The following RAB23 variants were observed in gnomAD, a reference collection of about 807,000 sequenced individuals.
The protein encoded by RAB23 is RAB23, member RAS oncogene family, also known as ras-related protein Rab-23.
In RAB23, 15 loss-of-function variants were observed where a neutral mutation model predicts 30.0. The ratio of observed to expected loss-of-function variants is 0.50; its 90% CI spans 0.33 to 0.77. The LOEUF (loss-of-function observed/expected upper bound fraction) is 0.77. Ranked by LOEUF, RAB23 falls within the 30% of genes least tolerant of loss-of-function variation. The pLI is 0.02. For synonymous variants in RAB23, 93 were observed against 94.0 expected, an observed-to-expected ratio of 0.99 and a Z score of 0.06; for missense variants, 243 against 275.4, an observed-to-expected ratio of 0.88 and a Z score of 0.83.
intron 2 of RAB23, among the ~76,000 whole-genome samples, chr6:57,207,945 C>A (rs1274466692): frequency 6.6e-6 from 1 of 152,088 alleles, no homozygotes; most frequent in African/African-American, 2.4e-5. Flanking sequence ...ACTGTAAATT[C>A]AAAAAACTCA....
At chr6:57,206,846 A>T (rs190389843) in intron 3 of RAB23, among the ~76,000 whole-genome samples, 38 of 152,356 alleles carry the variant, frequency 2.5e-4, no homozygotes, top group African/African-American at 8.2e-4. Flanking sequence ...TAATCAGTAT[A>T]TCAGTTGTGC....
intron 3 of RAB23, among the ~76,000 whole-genome samples, chr6:57,205,444 G>A (rs1329414131): frequency 2.0e-5 from 3 of 152,098 alleles, no homozygotes; most frequent in African/African-American, 7.2e-5. Flanking sequence ...CAATGGGGCT[G>A]GGGAGACAAA....
In RAB23 at chr6:57,189,917, C is replaced by T. The variant is rs138311113; in HGVS notation, c.*544G>A. The T allele has an allele frequency of 1.8e-3, 303 of 164,220 alleles. 1 individual carries two copies. Among genetic ancestry groups the T allele is most frequent in the African/African-American group, 6.5e-3 (272 of 41,618 alleles). The allele number at this position is 164,220 out of a possible 1,614,324, so 10.2% of individuals were successfully genotyped here. A position where few individuals can be genotyped will look rare whatever the true frequency, so the allele number is the denominator to read the frequency against. On this transcript the variant is annotated 3_prime_UTR_variant, in exon 7 of 7. Transcript: ENST00000468148. ...ACCTTCAGCTTACTCCAGTACCAGA[C>T]ATCTGCATGCACACCCCACATTCTA...
chr6:57,210,102 G>A (rs978570006), intron 2 of RAB23, 124 bp downstream of exon 2: 18 of 967,924 alleles, frequency 1.9e-5, no homozygotes, highest in Non-Finnish European at 2.4e-5. Flanking sequence ...CATCACTGTC[G>A]CATGAGCATT....
chr6:57,191,442 C>T (rs1022287647), intron 6 of RAB23, among the ~76,000 whole-genome samples: 2 of 152,060 alleles, frequency 1.3e-5, no homozygotes, highest in African/African-American at 4.8e-5. Flanking sequence ...TCAGCAAATA[C>T]GATAATTTTT....
rs1269720212 is a variant in RAB23, at chr6:57,189,831, A to G, written c.*630T>C. On this transcript the variant is annotated 3_prime_UTR_variant, in exon 7 of 7. Coordinates refer to ENST00000468148, the MANE Select transcript of RAB23 (RefSeq NM_016277.5). ...ATTTGAAAATAAAAACATATACACA[A>G]TATGTAAATGGTTTTATAAGTGAAT... The G allele has an allele frequency of 6.5e-6, 1 of 153,484 alleles. No individual in the cohort carries two copies. The highest frequency in any genetic ancestry group is 1.5e-5 in the Non-Finnish European group (1 of 68,648). 9.5% of individuals were successfully genotyped at this position (153,484 alleles called of 1,614,324 possible). A position where few individuals can be genotyped will look rare whatever the true frequency, so the allele number is the denominator to read the frequency against.
chr6:57,210,723 T>C (rs1054094366), intron 1 of RAB23, among the ~76,000 whole-genome samples: 2 of 152,244 alleles, frequency 1.3e-5, no homozygotes, highest in African/African-American at 4.8e-5. Flanking sequence ...TTAGATTTGA[T>C]GCCTGATTAT....
chr6:57,192,270 T>C (rs1764869045), intron 6 of RAB23, among the ~76,000 whole-genome samples: 1 of 152,208 alleles, frequency 6.6e-6, no homozygotes, highest in Non-Finnish European at 1.5e-5. Flanking sequence ...AGTTTCCATT[T>C]TGAACTGTGC....
chr6:57,190,633 C>G (rs779696667), intron 6 of RAB23, 33 bp from the exon 7 acceptor site: 2 of 1,611,066 alleles, frequency 1.2e-6, no homozygotes, highest in East Asian at 2.2e-5. Flanking sequence ...GTGATTGCCA[C>G]TGACACGCCT....
At chr6:57,206,108 C>G (rs563411937) in intron 3 of RAB23, among the ~76,000 whole-genome samples, 1 of 152,274 alleles carries the variant, frequency 6.6e-6, no homozygotes, top group South Asian at 2.1e-4. Flanking sequence ...TGCTCGGATG[C>G]AGATTGGTAG....
intron 1 of RAB23, among the ~76,000 whole-genome samples, chr6:57,217,615 C>T (rs746009054): frequency 4.0e-5 from 6 of 151,800 alleles, no homozygotes; most frequent in Admixed American, 1.3e-4. Flanking sequence ...GCCTAAGATA[C>T]GAAAATTTAG....
chr6:57,222,090 G>T lies in RAB23; in HGVS notation c.-430C>A, dbSNP rs1405267936. ...TCCTCCTGGTCGCGGCGCAACCGCT[G>T]CCGCCGCTGTCTCCTCCCGACGCGC... On this transcript the variant is annotated 5_prime_UTR_variant, in exon 1 of 7. Coordinates refer to ENST00000468148, the MANE Select transcript of RAB23 (RefSeq NM_016277.5). 6.6e-6 allele frequency: 1 copy of T among 152,436 alleles called. No individual in the cohort carries two copies. The highest frequency in any genetic ancestry group is 6.5e-5 in the Admixed American group (1 of 15,286). The allele number at this position is 152,436 out of a possible 1,614,324, so 9.4% of individuals were successfully genotyped here. A position where few individuals can be genotyped will look rare whatever the true frequency, so the allele number is the denominator to read the frequency against.
chr6:57,215,613 G>A (rs1765808352), intron 1 of RAB23, among the ~76,000 whole-genome samples: 2 of 152,152 alleles, frequency 1.3e-5, no homozygotes, highest in African/African-American at 4.8e-5. Flanking sequence ...AAGAGCATTT[G>A]TTGACAGCAG....
At chr6:57,210,143 GCAAT>G in intron 2 of RAB23, 79 bp downstream of exon 2, 1 of 1,460,718 alleles carries the variant, frequency 6.8e-7, no homozygotes. Context: ...GAAATCCACT[GCAAT>G]CAGTTAACTA....
At chr6:57,214,956 TAA>T in intron 1 of RAB23, among the ~76,000 whole-genome samples, 1 of 151,916 alleles carries the variant, frequency 6.6e-6, no homozygotes, top group Non-Finnish European at 1.5e-5. Context: ...ATGTAAAAAA[TAA>T]AGAGTCTCAA....
chr6:57,208,648 A>T (rs1461716244), intron 2 of RAB23, among the ~76,000 whole-genome samples: 1 of 151,468 alleles, frequency 6.6e-6, no homozygotes, highest in Non-Finnish European at 1.5e-5. Context: ...AAAAAAAAAA[A>T]AGCGATTTAC....
intron 1 of RAB23, among the ~76,000 whole-genome samples, chr6:57,213,864 G>T (rs1554312656): frequency 6.6e-6 from 1 of 151,934 alleles, no homozygotes; most frequent in Non-Finnish European, 1.5e-5. Context: ...CAGGAAAGGG[G>T]CAGCCTAGCA....
intron 3 of RAB23, among the ~76,000 whole-genome samples, chr6:57,199,363 G>A (rs568311617): frequency 5.9e-5 from 9 of 152,290 alleles, no homozygotes; most frequent in East Asian, 5.8e-4. Context: ...TACTTAGAAC[G>A]CTTTACTGGT....
rs1764714567 is a variant in RAB23 at position 57,188,764 on chromosome 6, A to C, written c.*1697T>G. 1 of 152,216 alleles carries C rather than the reference A, an allele frequency of 6.6e-6. No homozygotes were observed. The highest frequency in any genetic ancestry group is 2.1e-4 in the South Asian group (1 of 4,834). 9.4% of individuals were successfully genotyped at this position (152,216 alleles called of 1,614,324 possible). A position where few individuals can be genotyped will look rare whatever the true frequency, so the allele number is the denominator to read the frequency against. ...AAATAGATAATGCCAGATCATTTCAATATAATGAAAAGCAAAAATTTACTT... is the reference window on the plus strand; with the variant it reads ...AAATAGATAATGCCAGATCATTTCACTATAATGAAAAGCAAAAATTTACTT... On this transcript the variant is annotated 3_prime_UTR_variant, in exon 7 of 7. Coordinates refer to ENST00000468148, the MANE Select transcript of RAB23 (RefSeq NM_016277.5).
Sources: allele counts gnomAD v4.1 joint callset (sites outside exome capture counted in the v4.1 genomes callset), GRCh38; gene constraint gnomAD v4.1.1; transcripts MANE v1.5; gene names NCBI Gene and HGNC (gene_info 2026-07-23, HGNC 2026-07-21).